Variants in ZFYVE9 observed in about 807,000 individuals in gnomAD.
ZFYVE9 encodes zinc finger FYVE-type containing 9.
A neutral mutation model predicts 126.7 loss-of-function variants in ZFYVE9; 43 were observed. That is an observed-to-expected ratio of 0.34 (90% CI 0.27 to 0.44). The LOEUF (loss-of-function observed/expected upper bound fraction) is 0.44. Ranked by LOEUF, ZFYVE9 falls within the 20% of genes least tolerant of loss-of-function variation. The pLI, the probability that ZFYVE9 is intolerant of heterozygous loss-of-function variation, is 1.00. For synonymous variants in ZFYVE9, 521 were observed against 597.4 expected, an observed-to-expected ratio of 0.87 and a Z score of 1.87; for missense variants, 1,476 against 1,697.0, an observed-to-expected ratio of 0.87 and a Z score of 2.29.
Position 52,157,696 on chromosome 1 carries a change from T to C in ZFYVE9, c.-143+15293T>C, listed in dbSNP as rs553768500. ...GCTGGGATTACAGGAATGAGCCACA[T>C]TGCCCAGCCTGCACCATATTCTCTT... On this transcript the variant is annotated intron_variant, in intron 1 of 18. Transcript: ENST00000287727. Among the ~76,000 whole-genome samples the C allele has an allele frequency of 3.9e-5, 6 of 152,220 alleles. No individual in the cohort carries two copies. In the East Asian group the frequency reaches 1.2e-3, roughly 29 times the overall value.
At chr1:52,313,240 A>C (rs1404694045) in intron 13 of ZFYVE9, among the ~76,000 whole-genome samples, 1 of 152,222 alleles carries the variant, frequency 6.6e-6, no homozygotes, top group Non-Finnish European at 1.5e-5. Context: ...CAAGCATGCT[A>C]TCACACCAGT....
intron 9 of ZFYVE9, among the ~76,000 whole-genome samples, chr1:52,280,214 C>CAAAAA (rs747397812): frequency 1.2e-5 from 1 of 82,050 alleles, no homozygotes; most frequent in Admixed American, 1.3e-4. Flanking sequence ...TCATCCCTAC[C>CAAAAA]AAAAAAAAAA....
At chr1:52,243,543 T>G (rs573110060) in intron 4 of ZFYVE9, among the ~76,000 whole-genome samples, 1 of 151,880 alleles carries the variant, frequency 6.6e-6, no homozygotes, top group Non-Finnish European at 1.5e-5. Context: ...TAGAACAGCA[T>G]GGACAAAGTC....
intron 1 of ZFYVE9, among the ~76,000 whole-genome samples, chr1:52,159,932 AC>A (rs1231084677): frequency 6.6e-6 from 1 of 151,760 alleles, no homozygotes; most frequent in East Asian, 1.9e-4. Context: ...AGTAGCTGGG[AC>A]TACAGGCACC....
chr1:52,178,477 C>T (rs1029637443), intron 1 of ZFYVE9, among the ~76,000 whole-genome samples: 9 of 151,572 alleles, frequency 5.9e-5, no homozygotes, highest in Admixed American at 2.6e-4. Context: ...GACCCAGGCA[C>T]CCACCACCAT....
At chr1:52,210,571 C>A (rs1245505016) in intron 1 of ZFYVE9, among the ~76,000 whole-genome samples, 4 of 152,134 alleles carry the variant, frequency 2.6e-5, no homozygotes, top group Non-Finnish European at 5.9e-5. Context: ...TTGAATTACA[C>A]CAAAATGTAG....
intron 13 of ZFYVE9, among the ~76,000 whole-genome samples, chr1:52,322,992 G>C (rs1056998811): frequency 1.3e-5 from 2 of 152,034 alleles, no homozygotes; most frequent in Non-Finnish European, 2.9e-5. Flanking sequence ...TTTTAGTAGA[G>C]ACAGGGTTTC....
chr1:52,219,749 T>TTGTGTGTGTGTGTGTGTGTGTG (rs56340178), intron 2 of ZFYVE9, among the ~76,000 whole-genome samples: 3 of 113,274 alleles, frequency 2.6e-5, no homozygotes, highest in African/African-American at 1.0e-4. Context: ...CCAAGATCTT[T>TTGTGTGTGTGTGTGTGTGTGTG]TGTGTGTGTG....
At chr1:52,312,269 T>C (rs1646143377) in intron 13 of ZFYVE9, among the ~76,000 whole-genome samples, 1 of 152,104 alleles carries the variant, frequency 6.6e-6, no homozygotes, top group Admixed American at 6.6e-5. Flanking sequence ...ATATATTGAA[T>C]CTAACTGTAG....
chr1:52,170,592 T>C (rs1644558297), intron 1 of ZFYVE9, among the ~76,000 whole-genome samples: 1 of 152,192 alleles, frequency 6.6e-6, no homozygotes, highest in East Asian at 1.9e-4. Flanking sequence ...TGAAGGTTTT[T>C]CTTTTTTGAT....
At chr1:52,205,223 C>A (rs1172567762) in intron 1 of ZFYVE9, among the ~76,000 whole-genome samples, 4 of 151,846 alleles carry the variant, frequency 2.6e-5, no homozygotes, top group African/African-American at 7.3e-5. Context: ...TACAGCCGTG[C>A]ACCACCACAC....
intron 2 of ZFYVE9, among the ~76,000 whole-genome samples, chr1:52,218,147 CT>C (rs974547632): frequency 8.5e-5 from 13 of 152,124 alleles, no homozygotes; most frequent in Non-Finnish European, 1.8e-4. Flanking sequence ...ATTGGGGCTT[CT>C]TTTTTTCTTC....
chr1:52,229,999 CT>C (rs2124616994), intron 2 of ZFYVE9, among the ~76,000 whole-genome samples: 1 of 152,070 alleles, frequency 6.6e-6, no homozygotes, highest in Non-Finnish European at 1.5e-5. Flanking sequence ...TCCTGAGTAG[CT>C]GGGACTACAG....
chr1:52,209,927 G>A (rs1199110175), intron 1 of ZFYVE9, among the ~76,000 whole-genome samples: 1 of 152,196 alleles, frequency 6.6e-6, no homozygotes, highest in Non-Finnish European at 1.5e-5. Context: ...TTGTATTTGT[G>A]TGGAGAATAG....
intron 13 of ZFYVE9, among the ~76,000 whole-genome samples, chr1:52,314,837 G>T (rs1289734431): frequency 6.6e-6 from 1 of 151,676 alleles, no homozygotes; most frequent in African/African-American, 2.4e-5. Flanking sequence ...AGCAAAAACC[G>T]CCAGGCGCGG....
At chr1:52,269,191 G>C in intron 7 of ZFYVE9, among the ~76,000 whole-genome samples, 1 of 151,948 alleles carries the variant, frequency 6.6e-6, no homozygotes, top group South Asian at 2.1e-4. Flanking sequence ...GTACAGTGGC[G>C]TGATCTTGGC....
intron 7 of ZFYVE9, among the ~76,000 whole-genome samples, chr1:52,271,107 ATTTTCTCTTTCTGT>A (rs1645687971): frequency 6.6e-6 from 1 of 151,960 alleles, no homozygotes; most frequent in Non-Finnish European, 1.5e-5. Flanking sequence ...GAGGGTGATG[ATTTTCTCTTTCTGT>A]TAAATTTCTT....
At chr1:52,160,453 A>T (rs1394304443) in intron 1 of ZFYVE9, 2 of 856,468 alleles carry the variant, frequency 2.3e-6, no homozygotes, top group Admixed American at 3.4e-5. Context: ...TCTATGTGTG[A>T]CCTGTTACCA....
At chr1:52,189,732 C>T (rs80300213) in intron 1 of ZFYVE9, among the ~76,000 whole-genome samples, 1 of 151,452 alleles carries the variant, frequency 6.6e-6, no homozygotes, top group East Asian at 1.9e-4. Context: ...TAGTGCAAGT[C>T]CACAAAGATT....
Sources: gnomAD v4.1 joint callset for allele counts (sites outside exome capture counted in the v4.1 genomes callset) on GRCh38, gnomAD v4.1.1 for gene constraint, MANE v1.5 for transcripts, NCBI Gene and HGNC (gene_info 2026-07-23, HGNC 2026-07-21) for gene names.